The following CUX1 variants were observed in gnomAD, a reference collection of about 807,000 sequenced individuals.
CUX1 encodes cut like homeobox 1.
A neutral mutation model predicts 158.8 loss-of-function variants in CUX1; 31 were observed. The ratio of observed to expected loss-of-function variants is 0.20; its 90% CI spans 0.15 to 0.26. CUX1 has a LOEUF of 0.26. Among genes scored for constraint, CUX1 ranks in the 10% least tolerant of loss-of-function variants. The pLI, the probability that CUX1 is intolerant of heterozygous loss-of-function variation, is 1.00. For missense variants in CUX1, 1,589 were observed against 2,014.6 expected, an observed-to-expected ratio of 0.79 and a Z score of 4.04; for synonymous variants, 879 against 862.1, an observed-to-expected ratio of 1.02 and a Z score of -0.34.
At chr7:101,918,979 A>G (rs997484984) in intron 2 of CUX1, among the ~76,000 whole-genome samples, 1 of 152,132 alleles carries the variant, frequency 6.6e-6, no homozygotes, top group Non-Finnish European at 1.5e-5. Flanking sequence ...AGATTTCACT[A>G]TGTTGGCCAG....
At chr7:101,854,476 G>A (rs966774692) in intron 1 of CUX1, among the ~76,000 whole-genome samples, 4 of 152,138 alleles carry the variant, frequency 2.6e-5, no homozygotes, top group Non-Finnish European at 5.9e-5. Context: ...TAGGGGTTGG[G>A]CATCTCCATT....
chr7:102,224,370 C>T (rs1798143675), intron 20 of CUX1, among the ~76,000 whole-genome samples: 1 of 152,126 alleles, frequency 6.6e-6, no homozygotes, highest in Non-Finnish European at 1.5e-5. Flanking sequence ...CCATGCCTGG[C>T]TGGTTTTTGT....
intron 20 of CUX1, among the ~76,000 whole-genome samples, chr7:102,209,704 C>T (rs1796341268): frequency 6.6e-6 from 1 of 152,106 alleles, no homozygotes; most frequent in Non-Finnish European, 1.5e-5. Flanking sequence ...TCCTTGGGGA[C>T]TGATTCTGCA....
At position 102,256,413 on chromosome 7, in the gene CUX1, A is replaced by G; in HGVS notation, c.*7371A>G. The G allele has an allele frequency of 1.0e-6, 1 of 985,368 alleles. No individual in the cohort carries two copies. The allele number at this position is 985,368 out of a possible 1,614,324, so 61.0% of individuals were successfully genotyped here. A position where few individuals can be genotyped will look rare whatever the true frequency, so the allele number is the denominator to read the frequency against. ...GTTATTTTGTGTTTTGTTGTCATAA[A>G]TGCTTTTTGCTGTCACTCTAGTGGT... On this transcript the variant is annotated 3_prime_UTR_variant, in exon 24 of 24. Coordinates refer to ENST00000292535, the MANE Select transcript of CUX1 (RefSeq NM_181552.4).
intron 2 of CUX1, among the ~76,000 whole-genome samples, chr7:102,005,959 C>T (rs181069074): frequency 4.6e-5 from 7 of 152,250 alleles, no homozygotes; most frequent in African/African-American, 7.2e-5. Context: ...AGCGAGCGGC[C>T]GCGTGGATGA....
At chr7:102,029,201 C>G (rs1338861521) in intron 3 of CUX1, among the ~76,000 whole-genome samples, 1 of 152,038 alleles carries the variant, frequency 6.6e-6, no homozygotes, top group Admixed American at 6.6e-5. Context: ...CCATGTTGGC[C>G]AGGCTGGTCT....
intron 21 of CUX1, chr7:102,282,645 G>A: frequency 6.4e-7 from 1 of 1,552,444 alleles, no homozygotes; most frequent in South Asian, 1.1e-5. Context: ...AGGCCCAGGG[G>A]CCATGGGTGG....
In CUX1 at chr7:102,061,528, C is replaced by T. The variant is rs1824876286; in HGVS notation, c.190-8811C>T. Among the ~76,000 whole-genome samples the T allele has an allele frequency of 2.6e-5, 4 of 152,280 alleles. No individual in the cohort carries two copies. The South Asian group carries it at 8.3e-4, about 32-fold the overall frequency. On this transcript the variant is annotated intron_variant, in intron 3 of 23. Transcript: ENST00000292535. The stretch of plus-strand genomic sequence containing the variant: ...TTGACAGCAACCAAGATGTATCTCC[C>T]CACTTTGCAGATGAAAAAACTGAGG...
intron 2 of CUX1, among the ~76,000 whole-genome samples, chr7:101,934,865 T>C (rs1215288118): frequency 6.6e-6 from 1 of 152,138 alleles, no homozygotes; most frequent in Non-Finnish European, 1.5e-5. Context: ...TTTTCAAGTC[T>C]GTTCTGGCCA....
chr7:101,959,845 G>A (rs926358102), intron 2 of CUX1, among the ~76,000 whole-genome samples: 1 of 152,100 alleles, frequency 6.6e-6, no homozygotes, highest in African/African-American at 2.4e-5. Context: ...TACAACCTGT[G>A]GACCCTTTTA....
intron 3 of CUX1, 131 bp downstream of exon 3, chr7:102,028,276 C>A: frequency 3.4e-6 from 3 of 873,344 alleles, no homozygotes; most frequent in Non-Finnish European, 5.3e-6. Flanking sequence ...TCCGACCCAG[C>A]GTCATGCAGA....
chr7:101,985,523 A>G (rs754054110), intron 2 of CUX1, among the ~76,000 whole-genome samples: 119 of 152,238 alleles, frequency 7.8e-4, no homozygotes, highest in South Asian at 2.1e-4. Flanking sequence ...TCTTCCTAGA[A>G]CAACCAGGAG....
At chr7:102,279,433 C>T (rs1554548611) in intron 18 of CUX1, among the ~76,000 whole-genome samples, 6 of 152,222 alleles carry the variant, frequency 3.9e-5, no homozygotes, top group Non-Finnish European at 7.3e-5. Flanking sequence ...ACTCACTTGC[C>T]GAGTTTTTCT....
chr7:101,821,573 A>C (rs1047971435), intron 1 of CUX1, among the ~76,000 whole-genome samples: 20 of 147,992 alleles, frequency 1.4e-4, no homozygotes, highest in South Asian at 4.3e-4. Context: ...CTCCTCACTT[A>C]GTGATCCGCC....
intron 2 of CUX1, among the ~76,000 whole-genome samples, chr7:101,985,025 TAAAAG>T (rs1814097603): frequency 6.6e-6 from 1 of 152,188 alleles, no homozygotes; most frequent in Non-Finnish European, 1.5e-5. Context: ...GAATAGTTAA[TAAAAG>T]AAATATTGCT....
intron 20 of CUX1, among the ~76,000 whole-genome samples, chr7:102,224,806 T>C (rs1563441934): frequency 6.6e-6 from 1 of 152,188 alleles, no homozygotes; most frequent in Non-Finnish European, 1.5e-5. Flanking sequence ...AACAGGGAGA[T>C]GCCACAGCAG....
At chr7:101,893,359 C>G (rs1046084893) in intron 1 of CUX1, among the ~76,000 whole-genome samples, 20 of 151,666 alleles carry the variant, frequency 1.3e-4, no homozygotes, top group African/African-American at 4.4e-4. Flanking sequence ...TTTCTACTTT[C>G]GACAGGATTC....
At chr7:101,885,727 C>T (rs918800615) in intron 1 of CUX1, among the ~76,000 whole-genome samples, 4 of 152,172 alleles carry the variant, frequency 2.6e-5, no homozygotes, top group Admixed American at 6.5e-5. Context: ...CTTTGTGTCT[C>T]GTGGACTACT....
At chr7:102,043,323 CTGTGTGTGTG>C (rs57276921) in intron 3 of CUX1, among the ~76,000 whole-genome samples, 1,752 of 139,144 alleles carry the variant, frequency 0.013, 10 homozygotes, top group Admixed American at 0.015. Context: ...CATTAGCTCA[CTGTGTGTGTG>C]TGTGTGTGTG....
Sources: allele counts gnomAD v4.1 joint callset (sites outside exome capture counted in the v4.1 genomes callset), GRCh38; gene constraint gnomAD v4.1.1; transcripts MANE v1.5; gene names NCBI Gene and HGNC (gene_info 2026-07-23, HGNC 2026-07-21).